The following ZFPM2 variants were observed in gnomAD, a reference collection of about 807,000 sequenced individuals.
ZFPM2 encodes the protein zinc finger protein ZFPM2.
In ZFPM2, 20 loss-of-function variants were observed where a neutral mutation model predicts 98.6. That is an observed-to-expected ratio of 0.20 (90% confidence interval 0.14 to 0.29). The LOEUF is 0.29. ZFPM2 is among the 10% of genes least tolerant of loss of function. ZFPM2 has a pLI of 1.00. For missense variants in ZFPM2, 1,310 were observed against 1,388.6 expected, an observed-to-expected ratio of 0.94 and a Z score of 0.90; for synonymous variants, 518 against 502.7, an observed-to-expected ratio of 1.03 and a Z score of -0.41.
rs1233274060 is a variant in ZFPM2 at position 105,487,413 on chromosome 8, C to G, written c.301+43032C>G. 5.3e-5 allele frequency among the ~76,000 whole-genome samples: 8 copies of G among 152,168 alleles called. No individual in the cohort carries two copies. The East Asian group carries it at 1.5e-3, about 29-fold the overall frequency. ...GGATTACAGGTGTGAGCCACCATAT[C>G]CAGCCACAATATGTCATATTATACA... On this transcript the variant is annotated intron_variant, in intron 3 of 7. Transcript: ENST00000407775.
intron 3 of ZFPM2, among the ~76,000 whole-genome samples, chr8:105,472,029 A>T (rs1030668914): frequency 4.6e-5 from 7 of 152,196 alleles, no homozygotes; most frequent in Non-Finnish European, 7.4e-5. Context: ...CATAAAATGC[A>T]TAAAATTTTA....
chr8:105,562,015 A>G (rs1815148993), intron 4 of ZFPM2, among the ~76,000 whole-genome samples: 1 of 152,078 alleles, frequency 6.6e-6, no homozygotes, highest in Non-Finnish European at 1.5e-5. Context: ...ATGTTTTAAA[A>G]GTAATGGAGG....
chr8:105,516,261 G>A (rs1338059550), intron 3 of ZFPM2, among the ~76,000 whole-genome samples: 1 of 152,042 alleles, frequency 6.6e-6, no homozygotes, highest in African/African-American at 2.4e-5. Flanking sequence ...GTCATGTCCT[G>A]TCTGTTACCC....
At chr8:105,576,339 A>G (rs1358894339) in intron 4 of ZFPM2, among the ~76,000 whole-genome samples, 2 of 152,138 alleles carry the variant, frequency 1.3e-5, no homozygotes, top group Non-Finnish European at 2.9e-5. Flanking sequence ...AGAGGCACAA[A>G]AAATTAAAAA....
intron 1 of ZFPM2, among the ~76,000 whole-genome samples, chr8:105,402,319 A>G (rs1811356223): frequency 6.6e-6 from 1 of 151,746 alleles, no homozygotes; most frequent in Non-Finnish European, 1.5e-5. Flanking sequence ...CCTCTTAACT[A>G]TTGCATTTTA....
At chr8:105,536,453 T>A (rs867988408) in intron 3 of ZFPM2, among the ~76,000 whole-genome samples, 1 of 152,128 alleles carries the variant, frequency 6.6e-6, no homozygotes, top group Non-Finnish European at 1.5e-5. Flanking sequence ...ATCTTTTTTT[T>A]ATGCTGTACT....
At chr8:105,560,625 A>T in intron 3 of ZFPM2, among the ~76,000 whole-genome samples, 2 of 132,888 alleles carry the variant, frequency 1.5e-5, no homozygotes, top group Non-Finnish European at 3.3e-5. Context: ...TTTGTATATT[A>T]TTCCATTCAT....
At chr8:105,356,685 CT>C (rs1038487145) in intron 1 of ZFPM2, among the ~76,000 whole-genome samples, 1 of 152,196 alleles carries the variant, frequency 6.6e-6, no homozygotes, top group African/African-American at 2.4e-5. Flanking sequence ...AAGTGCCTTT[CT>C]GGTCCATATT....
chr8:105,736,422 C>T (rs1328598339), intron 5 of ZFPM2, among the ~76,000 whole-genome samples: 1 of 151,980 alleles, frequency 6.6e-6, no homozygotes, highest in Non-Finnish European at 1.5e-5. Context: ...ATTTTGCATT[C>T]ATAAGGAGCC....
At chr8:105,685,569 T>G (rs1810713716) in intron 5 of ZFPM2, among the ~76,000 whole-genome samples, 1 of 152,060 alleles carries the variant, frequency 6.6e-6, no homozygotes, top group Admixed American at 6.6e-5. Flanking sequence ...AGGAACAAAT[T>G]TGACTTTTTT....
At chr8:105,777,153 T>TC (rs1234781290) in intron 5 of ZFPM2, among the ~76,000 whole-genome samples, 1 of 152,140 alleles carries the variant, frequency 6.6e-6, no homozygotes, top group African/African-American at 2.4e-5. Flanking sequence ...TTTATCGAAC[T>TC]CCAGCATTCA....
At chr8:105,703,539 T>C (rs7845449) in intron 5 of ZFPM2, among the ~76,000 whole-genome samples, 31,604 of 151,946 alleles carry the variant, frequency 0.21, 4,000 homozygotes, top group East Asian at 0.5. Flanking sequence ...GGTCTTGGCT[T>C]GTTTAGGAAA....
At chr8:105,534,446 T>TCTTC (rs199507423) in intron 3 of ZFPM2, among the ~76,000 whole-genome samples, 7 of 141,388 alleles carry the variant, frequency 5.0e-5, no homozygotes, top group South Asian at 2.4e-4. Context: ...TTCCTTCCTC[T>TCTTC]CTTCCTTCCT....
intron 3 of ZFPM2, among the ~76,000 whole-genome samples, chr8:105,516,277 G>A (rs181491945): frequency 1.8e-3 from 280 of 152,190 alleles, no homozygotes; most frequent in Non-Finnish European, 3.6e-3. Context: ...TACCCCCCTT[G>A]AGACAGCAGG....
chr8:105,476,601 A>G (rs1045979452), intron 3 of ZFPM2, among the ~76,000 whole-genome samples: 2 of 152,074 alleles, frequency 1.3e-5, no homozygotes, highest in Non-Finnish European at 2.9e-5. Context: ...GCAATTTTCA[A>G]TCTTCTCTTA....
At chr8:105,615,399 T>C (rs768911005) in intron 4 of ZFPM2, among the ~76,000 whole-genome samples, 2 of 152,110 alleles carry the variant, frequency 1.3e-5, no homozygotes, top group Non-Finnish European at 2.9e-5. Flanking sequence ...AAAGTTGAAT[T>C]AGGGAAAATT....
chr8:105,372,333 C>G (rs1185894507), intron 1 of ZFPM2, among the ~76,000 whole-genome samples: 1 of 152,032 alleles, frequency 6.6e-6, no homozygotes, highest in South Asian at 2.1e-4. Context: ...TGAGCCACCG[C>G]GCCCGGCCTA....
chr8:105,561,137 T>A (rs1815125974), intron 3 of ZFPM2, among the ~76,000 whole-genome samples: 1 of 152,176 alleles, frequency 6.6e-6, no homozygotes, highest in South Asian at 2.1e-4. Context: ...AGATGATGCA[T>A]GTGAAAAGGT....
At chr8:105,455,829 A>G (rs1340616565) in intron 3 of ZFPM2, among the ~76,000 whole-genome samples, 1 of 152,198 alleles carries the variant, frequency 6.6e-6, no homozygotes, top group Non-Finnish European at 1.5e-5. Flanking sequence ...TTAATATGGC[A>G]CGGTTTTTAT....
Sources: allele counts gnomAD v4.1 joint callset (sites outside exome capture counted in the v4.1 genomes callset), GRCh38; gene constraint gnomAD v4.1.1; transcripts MANE v1.5; gene names NCBI Gene and HGNC (gene_info 2026-07-23, HGNC 2026-07-21).